Variants in DISP3 observed in about 807,000 individuals in gnomAD.
DISP3 encodes the protein protein dispatched homolog 3.
A neutral mutation model predicts 135.3 loss-of-function variants in DISP3; 101 were observed. That is an observed-to-expected ratio of 0.75 (90% confidence interval 0.64 to 0.88). DISP3 has a LOEUF of 0.88. DISP3 is among the 40% of genes least tolerant of loss of function. The probability of loss-of-function intolerance (pLI) is 0.00; values close to 1 mark genes in which losing one functional copy is unlikely to be tolerated. For synonymous variants in DISP3, 856 were observed against 817.0 expected (o/e 1.05, Z -0.81); for missense variants, 1,713 against 1,878.6 (o/e 0.91, Z 1.63).
Position 11,536,589 on chromosome 1 carries a change from G to T in DISP3, c.4082G>T (p.Gly1361Val). The part of the protein sequence containing the change: ...RTRTSFLKAL[G>V]AVLLAGALGL... ...CGGACTTCCTTCCTCAAGGCCCTGGGTGCCGTGCTGCTGGCAGGGGCCCTG... is the reference window on the plus strand; with the variant it reads ...CGGACTTCCTTCCTCAAGGCCCTGGTTGCCGTGCTGCTGGCAGGGGCCCTG... The change falls in exon 21 of 21, where the codon GGT becomes GTT. Residue 1361 changes from glycine to valine, a missense_variant. By Grantham distance (109) the Gly-to-Val change is moderately radical. Transcript: ENST00000294484. The surrounding 1 kb of genome is among the most constrained non-coding windows in gnomAD (Gnocchi z 4.3). 6.2e-7 allele frequency: 1 copy of T among 1,611,868 alleles called. No homozygotes were observed. Among genetic ancestry groups the T allele is most frequent in the Non-Finnish European group, 8.5e-7 (1 of 1,179,810 alleles).
chr1:11,518,626 CCAGT>C (rs758739255), intron 7 of DISP3, among the ~76,000 whole-genome samples: 2 of 152,234 alleles, frequency 1.3e-5, no homozygotes, highest in South Asian at 2.1e-4. Flanking sequence ...AGTCGTCTTC[CCAGT>C]CAGTCAGATG....
At chr1:11,504,413 C>G (rs971717488) in intron 3 of DISP3, among the ~76,000 whole-genome samples, 2 of 152,240 alleles carry the variant, frequency 1.3e-5, no homozygotes, top group African/African-American at 4.8e-5. Flanking sequence ...CTTTGTCAGG[C>G]AAGCTCCTAT....
At chr1:11,524,629 C>T (rs1409232977) in intron 11 of DISP3, among the ~76,000 whole-genome samples, 1 of 143,572 alleles carries the variant, frequency 7.0e-6, no homozygotes, top group Non-Finnish European at 1.5e-5. Flanking sequence ...TGCCCACGAC[C>T]TCCCCCACCA....
chr1:11,514,359 A>G (rs1415965114), intron 3 of DISP3, 31 bp from the exon 4 acceptor site: 1 of 1,585,810 alleles, frequency 6.3e-7, no homozygotes, highest in Non-Finnish European at 8.7e-7. Context: ...TCTTCCTGTC[A>G]TTCTTTTCTC....
chr1:11,486,114 G>C (rs916038253), intron 1 of DISP3, among the ~76,000 whole-genome samples: 1 of 152,144 alleles, frequency 6.6e-6, no homozygotes, highest in African/African-American at 2.4e-5. Flanking sequence ...TCCAGATGTG[G>C]GCAGCATCTG....
intron 1 of DISP3, among the ~76,000 whole-genome samples, chr1:11,497,578 CG>C (rs1398533550): frequency 2.2e-4 from 33 of 152,084 alleles, no homozygotes; most frequent in African/African-American, 8.0e-4. Flanking sequence ...TTAGTAGAGA[CG>C]GGGTTTCACT....
At chr1:11,489,222 C>G (rs535540125) in intron 1 of DISP3, among the ~76,000 whole-genome samples, 1 of 152,378 alleles carries the variant, frequency 6.6e-6, no homozygotes, top group East Asian at 1.9e-4. Flanking sequence ...TCATGGCGGC[C>G]CCTCAGCAGG....
At chr1:11,513,948 GTTTTT>G (rs57749480) in intron 3 of DISP3, among the ~76,000 whole-genome samples, 1 of 147,906 alleles carries the variant, frequency 6.8e-6, no homozygotes, top group Non-Finnish European at 1.5e-5. Context: ...GCCTGGTTAT[GTTTTT>G]TTTTTTTTTT....
At chr1:11,498,652 T>C (rs1641410681) in intron 1 of DISP3, among the ~76,000 whole-genome samples, 1 of 152,150 alleles carries the variant, frequency 6.6e-6, no homozygotes, top group Admixed American at 6.5e-5. Flanking sequence ...CAGCCATCTT[T>C]GGAAAACACA....
At chr1:11,480,117 G>A (rs1382968729) in intron 1 of DISP3, among the ~76,000 whole-genome samples, 3 of 152,182 alleles carry the variant, frequency 2.0e-5, no homozygotes, top group South Asian at 2.1e-4. Flanking sequence ...AACTCCCTGG[G>A]GAGGCCGGCA....
At chr1:11,530,863 G>A (rs368821884) in intron 15 of DISP3, 44 bp from the exon 16 acceptor site, 157 of 1,609,844 alleles carry the variant, frequency 9.8e-5, no homozygotes, top group Non-Finnish European at 1.2e-4. Context: ...CTGAGTCCCC[G>A]TCTCACTGAG....
At chr1:11,525,477 G>A (rs555430940) in intron 12 of DISP3, among the ~76,000 whole-genome samples, 165 bp downstream of exon 12, 12 of 152,356 alleles carry the variant, frequency 7.9e-5, no homozygotes, top group Admixed American at 1.3e-4. Context: ...GACCTGCCGA[G>A]TGGTAGCAGC....
rs759344571 is a variant in DISP3 at position 11,535,463 on chromosome 1, G to T, written c.3650-15G>T. The T allele has an allele frequency of 2.5e-6, 4 of 1,594,580 alleles. No individual in the cohort carries two copies. Among genetic ancestry groups the T allele is most frequent in the Admixed American group, 3.4e-5 (2 of 59,530 alleles). On this transcript the variant is annotated splice_polypyrimidine_tract_variant and intron_variant, in intron 19 of 20. Transcript: ENST00000294484. ...GCGGGGGATCCGAGCTGCCCCCCCT[G>T]CTGTCTCCTTGCAGGCATCGTGTGC...
In DISP3 at chr1:11,501,558, C is replaced by A. The variant is rs1557599658; in HGVS notation, c.566C>A (p.Thr189Asn). 2.5e-6 allele frequency: 4 copies of A among 1,588,294 alleles called. No individual in the cohort carries two copies. In the African/African-American group the frequency reaches 5.4e-5, roughly 21 times the overall value. ...GGTGGCCCAGGCCCTTACCGGGACA[C>A]TTCCGCGGCTCAAAAGCCCACAGCC... ...SLGGPGPYRD[T>N]SAAQKPTANR... The change falls in exon 2 of 21, where the codon ACT becomes AAT. Residue 189 changes from threonine (T) to asparagine (N), a missense_variant. Thr to Asn is a moderately conservative substitution (Grantham distance 65, BLOSUM62 0). Around this residue, in one of 2 missense-constraint regions of DISP3, gnomAD observed 571 missense variants for 494.1 expected, o/e 1.16. Transcript: ENST00000294484. The surrounding 1 kb of genome is among the most constrained non-coding windows in gnomAD (Gnocchi z 4.9).
At chr1:11,530,034 A>C in intron 15 of DISP3, 75 bp downstream of exon 15, 3 of 1,552,344 alleles carry the variant, frequency 1.9e-6, no homozygotes. Context: ...TGTCCAGGGA[A>C]CCATGTCCAG....
chr1:11,499,396 C>A lies in DISP3; in HGVS notation c.-3-1594C>A, dbSNP rs567351680. Among the ~76,000 whole-genome samples the A allele has an allele frequency of 2.6e-5, 4 of 152,190 alleles. No homozygotes were observed. The highest frequency in any genetic ancestry group is 9.7e-5 in the African/African-American group (4 of 41,434). On this transcript the variant is annotated intron_variant, in intron 1 of 20. Transcript: ENST00000294484. The surrounding 1 kb of genome is among the most constrained non-coding windows in gnomAD (Gnocchi z 5.2). ...AGGCTCCCACACTCACCTCCACATG[C>A]AGACTTGGTTTTTCCCTTTGGAGAT... is the stretch of plus-strand genomic sequence containing the variant.
chr1:11,479,988 A>G (rs1446621139), intron 1 of DISP3, among the ~76,000 whole-genome samples: 1 of 152,184 alleles, frequency 6.6e-6, no homozygotes, highest in East Asian at 1.9e-4. Context: ...GAGAACGCGA[A>G]CGAGGGTGGA....
chr1:11,500,544 C>G (rs922860597), intron 1 of DISP3, among the ~76,000 whole-genome samples: 12 of 152,182 alleles, frequency 7.9e-5, no homozygotes, highest in South Asian at 2.1e-4. Context: ...CCCTTGCACC[C>G]TGATACTTCC....
intron 17 of DISP3, chr1:11,533,862 G>A: frequency 1.4e-6 from 1 of 717,554 alleles, no homozygotes; most frequent in Non-Finnish European, 2.6e-6. Context: ...TCATCCATGA[G>A]CACCTCTCGG....
Sources: gnomAD v4.1 joint callset for allele counts (sites outside exome capture counted in the v4.1 genomes callset) on GRCh38, gnomAD v4.1.1 for gene constraint, gnomAD v4.1.1 regional missense constraint, Gnocchi (gnomAD v3.1) non-coding constraint, MANE v1.5 for transcripts, NCBI Gene and HGNC (gene_info 2026-07-23, HGNC 2026-07-21) for gene names.